Variants in COL25A1 observed in about 807,000 individuals in gnomAD.
COL25A1 encodes collagen type XXV alpha 1 chain.
COL25A1 carries 103 observed loss-of-function variants against 128.4 expected under a neutral mutation model. The ratio of observed to expected loss-of-function variants is 0.80; its 90% CI spans 0.68 to 0.94. The LOEUF is 0.94. COL25A1 is among the 40% of genes least tolerant of loss of function. The probability of loss-of-function intolerance (pLI) is 0.00; values close to 1 mark genes in which losing one functional copy is unlikely to be tolerated. For synonymous variants in COL25A1, 279 were observed against 277.2 expected (o/e 1.01, Z -0.06); for missense variants, 745 against 840.0 (o/e 0.89, Z 1.40).
chr4:109,072,124 C>T (rs1417017457), intron 3 of COL25A1, among the ~76,000 whole-genome samples: 1 of 152,046 alleles, frequency 6.6e-6, no homozygotes, highest in Non-Finnish European at 1.5e-5. Context: ...TAAGAGGAGT[C>T]GAAAATCCAT....
chr4:108,996,323 A>G (rs996512140), intron 6 of COL25A1, among the ~76,000 whole-genome samples: 7 of 151,270 alleles, frequency 4.6e-5, no homozygotes, highest in Non-Finnish European at 5.9e-5. Flanking sequence ...AGGGGTTGCA[A>G]TCCTGGTCTC....
intron 3 of COL25A1, among the ~76,000 whole-genome samples, chr4:109,147,116 T>A (rs1220524219): frequency 6.6e-6 from 1 of 152,236 alleles, no homozygotes; most frequent in East Asian, 1.9e-4. Flanking sequence ...ACATTTGCAT[T>A]TCTCACCTGT....
At chr4:109,065,110 T>C (rs955865023) in intron 3 of COL25A1, among the ~76,000 whole-genome samples, 1 of 152,212 alleles carries the variant, frequency 6.6e-6, no homozygotes, top group African/African-American at 2.4e-5. Flanking sequence ...CCCCTCGGAC[T>C]GGACTGATGG....
At chr4:109,177,545 C>T (rs971836619) in intron 3 of COL25A1, among the ~76,000 whole-genome samples, 2 of 152,130 alleles carry the variant, frequency 1.3e-5, no homozygotes, top group African/African-American at 4.8e-5. Context: ...AACTTTTAGA[C>T]CAAATACAGT....
At chr4:108,980,167 G>T (rs1325250488) in intron 6 of COL25A1, among the ~76,000 whole-genome samples, 1 of 152,236 alleles carries the variant, frequency 6.6e-6, no homozygotes, top group Non-Finnish European at 1.5e-5. Flanking sequence ...CGGAGATGAA[G>T]TGTGCTCTGT....
In COL25A1 at chr4:108,812,767, C is replaced by T. The variant is rs1730900651; in HGVS notation, c.*1160G>A. ...GGATCGTAGGAGGAAGGAAAGCTCT[C>T]ACAACAACTTTGGCACAGATTGTCC... On this transcript the variant is annotated 3_prime_UTR_variant, in exon 38 of 38. Coordinates refer to ENST00000399132, the MANE Select transcript of COL25A1 (RefSeq NM_198721.4). The T allele has an allele frequency of 6.6e-6, 1 of 152,184 alleles. No individual in the cohort carries two copies. Among genetic ancestry groups the T allele is most frequent in the African/African-American group, 2.4e-5 (1 of 41,448 alleles). 9.4% of individuals were successfully genotyped at this position (152,184 alleles called of 1,614,324 possible).
chr4:109,147,352 C>T (rs1223756369), intron 3 of COL25A1, among the ~76,000 whole-genome samples: 1 of 152,202 alleles, frequency 6.6e-6, no homozygotes, highest in African/African-American at 2.4e-5. Context: ...CTTCACTTTG[C>T]TCACCATGAG....
At chr4:108,968,332 T>C (rs752912777) in intron 8 of COL25A1, among the ~76,000 whole-genome samples, 1 of 152,208 alleles carries the variant, frequency 6.6e-6, no homozygotes, top group Non-Finnish European at 1.5e-5. Context: ...CATTACCTTT[T>C]AACTTCTTGC....
At chr4:109,282,376 T>C (rs1260733150) in intron 3 of COL25A1, among the ~76,000 whole-genome samples, 1 of 152,166 alleles carries the variant, frequency 6.6e-6, no homozygotes, top group Non-Finnish European at 1.5e-5. Flanking sequence ...CTACAATGTT[T>C]TCCCCTCTAT....
intron 3 of COL25A1, among the ~76,000 whole-genome samples, chr4:109,168,971 T>C (rs1248705587): frequency 6.6e-6 from 1 of 152,142 alleles, no homozygotes; most frequent in African/African-American, 2.4e-5. Flanking sequence ...TAGGCTACTC[T>C]CCACAACCTC....
At chr4:109,171,922 T>C (rs1315980622) in intron 3 of COL25A1, among the ~76,000 whole-genome samples, 2 of 152,176 alleles carry the variant, frequency 1.3e-5, no homozygotes, top group Non-Finnish European at 2.9e-5. Flanking sequence ...ACAGAGAATA[T>C]GGGTCTCTGT....
intron 3 of COL25A1, among the ~76,000 whole-genome samples, chr4:109,224,184 C>A (rs1373280097): frequency 6.6e-6 from 1 of 151,948 alleles, no homozygotes; most frequent in African/African-American, 2.4e-5. Context: ...TAAATAATAT[C>A]ATTGTGTTTA....
intron 3 of COL25A1, among the ~76,000 whole-genome samples, chr4:109,157,329 T>C (rs1772127381): frequency 6.6e-6 from 1 of 152,134 alleles, no homozygotes; most frequent in Non-Finnish European, 1.5e-5. Context: ...CCAAAGAACA[T>C]ATGCCAGTAA....
intron 3 of COL25A1, among the ~76,000 whole-genome samples, chr4:109,177,106 G>T (rs989522528): frequency 6.6e-6 from 1 of 152,178 alleles, no homozygotes; most frequent in African/African-American, 2.4e-5. Context: ...GAAGGAATAT[G>T]CAAACACACA....
chr4:108,828,728 G>A (rs889778696), intron 32 of COL25A1, among the ~76,000 whole-genome samples: 3 of 152,198 alleles, frequency 2.0e-5, no homozygotes, highest in Non-Finnish European at 4.4e-5. Context: ...AGGAGTAATG[G>A]TGATTTTATA....
chr4:109,254,469 T>TTATATATA (rs55997800), intron 3 of COL25A1, among the ~76,000 whole-genome samples: 1,570 of 59,300 alleles, frequency 0.026, 37 homozygotes, highest in Non-Finnish European at 0.035. Context: ...AGGCATATGT[T>TTATATATA]TATATATATA....
Position 109,302,156 on chromosome 4 carries a change from A to G in COL25A1, c.-57+13T>C. ...ACTAGTTGGTGGAGTCAAGCCCACG[A>G]GCGGATACGGACCCCTGCCTTGCTC... is the stretch of plus-strand genomic sequence containing the variant. On this transcript the variant is annotated intron_variant, in intron 1 of 37. Transcript: ENST00000399132. 3 of 1,168,418 alleles carry G rather than the reference A, an allele frequency of 2.6e-6. No homozygotes were observed. Among genetic ancestry groups the G allele is most frequent in the Non-Finnish European group, 3.5e-6 (3 of 857,270 alleles). 72.4% of individuals were successfully genotyped at this position (1,168,418 alleles called of 1,614,324 possible). A position where few individuals can be genotyped will look rare whatever the true frequency, so the allele number is the denominator to read the frequency against.
chr4:108,900,898 G>A (rs1007348356), intron 14 of COL25A1, among the ~76,000 whole-genome samples: 6 of 152,064 alleles, frequency 3.9e-5, no homozygotes, highest in African/African-American at 1.4e-4. Context: ...GATGTTAGAT[G>A]ATCACATCCC....
chr4:109,245,553 G>A (rs1780200685), intron 3 of COL25A1, among the ~76,000 whole-genome samples: 1 of 152,108 alleles, frequency 6.6e-6, no homozygotes, highest in African/African-American at 2.4e-5. Context: ...GAATTAAAGG[G>A]CTGAATCTAA....
Sources: gnomAD v4.1 joint callset for allele counts (sites outside exome capture counted in the v4.1 genomes callset) on GRCh38, gnomAD v4.1.1 for gene constraint, MANE v1.5 for transcripts, NCBI Gene and HGNC (gene_info 2026-07-23, HGNC 2026-07-21) for gene names.